Variants in SORCS3 observed in about 807,000 individuals in gnomAD.
The protein encoded by SORCS3 is sortilin related VPS10 domain containing receptor 3.
In SORCS3, 57 loss-of-function variants were observed where a neutral mutation model predicts 146.3. The observed-to-expected ratio is 0.39, with a 90% CI of 0.31 to 0.49. SORCS3 has a LOEUF of 0.49. SORCS3 is among the 20% of genes least tolerant of loss of function. The pLI, the probability that SORCS3 is intolerant of heterozygous loss-of-function variation, is 0.92. For synonymous variants in SORCS3, 653 were observed against 618.5 expected (o/e 1.06, Z -0.83); for missense variants, 1,341 against 1,575.5 (o/e 0.85, Z 2.52).
intron 4 of SORCS3, among the ~76,000 whole-genome samples, chr10:104,980,547 A>G (rs1477604232): frequency 6.6e-6 from 1 of 152,226 alleles, no homozygotes. Flanking sequence ...TCTGATGTGC[A>G]TGCATGAAGG....
At chr10:105,077,521 AACACAC>A (rs60182481) in intron 5 of SORCS3, among the ~76,000 whole-genome samples, 28,269 of 116,444 alleles carry the variant, frequency 0.24, 3,009 homozygotes, top group Admixed American at 0.39. Flanking sequence ...GACTAAATTA[AACACAC>A]ACACACACAC....
intron 1 of SORCS3, among the ~76,000 whole-genome samples, chr10:104,827,298 A>AT (rs1231933751): frequency 6.6e-6 from 1 of 151,748 alleles, no homozygotes; most frequent in African/African-American, 2.4e-5. Flanking sequence ...TATGAAATGT[A>AT]TTTTTTTAAA....
chr10:104,956,151 T>G (rs2019487388), intron 3 of SORCS3, among the ~76,000 whole-genome samples: 1 of 152,166 alleles, frequency 6.6e-6, no homozygotes, highest in Non-Finnish European at 1.5e-5. Context: ...CTTTCAGGAA[T>G]ATAAGCACTC....
chr10:104,730,476 C>T (rs1203840376), intron 1 of SORCS3, among the ~76,000 whole-genome samples: 2 of 152,162 alleles, frequency 1.3e-5, no homozygotes, highest in African/African-American at 4.8e-5. Context: ...TAGGAGCTGT[C>T]AGTGTAAGTC....
intron 4 of SORCS3, among the ~76,000 whole-genome samples, chr10:105,000,584 A>G (rs936017820): frequency 2.6e-5 from 4 of 152,078 alleles, no homozygotes; most frequent in Non-Finnish European, 2.9e-5. Context: ...TCCGGCATCT[A>G]TTGTGCAGAT....
At chr10:105,213,699 T>C (rs993795063) in intron 17 of SORCS3, among the ~76,000 whole-genome samples, 3 of 152,200 alleles carry the variant, frequency 2.0e-5, no homozygotes, top group Non-Finnish European at 2.9e-5. Context: ...TACATAATGA[T>C]GTCCTTGTCA....
intron 1 of SORCS3, among the ~76,000 whole-genome samples, chr10:104,723,724 A>G (rs1348914595): frequency 6.6e-6 from 1 of 152,144 alleles, no homozygotes; most frequent in African/African-American, 2.4e-5. Context: ...ATCCCTTTCC[A>G]TTGTGTAATG....
At chr10:105,147,550 C>A in intron 8 of SORCS3, 67 bp from the exon 9 acceptor site, 3 of 1,380,718 alleles carry the variant, frequency 2.2e-6, no homozygotes, top group Admixed American at 2.2e-5. Flanking sequence ...ATAGTAATTA[C>A]TTGGCATCCC....
At chr10:105,162,441 C>T (rs1008404955) in intron 11 of SORCS3, among the ~76,000 whole-genome samples, 2 of 151,632 alleles carry the variant, frequency 1.3e-5, no homozygotes, top group African/African-American at 4.9e-5. Context: ...GCTCATTTTT[C>T]AAATCCTCCT....
intron 4 of SORCS3, among the ~76,000 whole-genome samples, chr10:105,013,255 A>T (rs1317258928): frequency 1.3e-5 from 2 of 152,166 alleles, no homozygotes; most frequent in East Asian, 3.8e-4. Flanking sequence ...TTAACCTAAT[A>T]AAGATTATCC....
At chr10:104,652,040 A>G (rs1249178958) in intron 1 of SORCS3, among the ~76,000 whole-genome samples, 3 of 146,678 alleles carry the variant, frequency 2.0e-5, no homozygotes, top group Non-Finnish European at 4.5e-5. Flanking sequence ...ATTAAACCCC[A>G]GTTTTAAATA....
chr10:105,092,948 A>G (rs2055720478), intron 6 of SORCS3, among the ~76,000 whole-genome samples: 1 of 152,212 alleles, frequency 6.6e-6, no homozygotes, highest in Admixed American at 6.5e-5. Flanking sequence ...CTTTTATTCA[A>G]CATTATGCTG....
At chr10:105,024,104 T>G (rs1179602636) in intron 4 of SORCS3, among the ~76,000 whole-genome samples, 1 of 152,194 alleles carries the variant, frequency 6.6e-6, no homozygotes, top group Non-Finnish European at 1.5e-5. Flanking sequence ...TGTTCAGTGT[T>G]CTTTGTGCAA....
At chr10:105,014,392 G>A (rs1262410355) in intron 4 of SORCS3, among the ~76,000 whole-genome samples, 1 of 151,806 alleles carries the variant, frequency 6.6e-6, no homozygotes, top group Non-Finnish European at 1.5e-5. Flanking sequence ...ATGCAAAAAT[G>A]CTAGCCATAA....
At chr10:105,170,275 T>C (rs2056348147) in intron 13 of SORCS3, among the ~76,000 whole-genome samples, 1 of 152,140 alleles carries the variant, frequency 6.6e-6, no homozygotes. Flanking sequence ...ACCATCCAAG[T>C]TGGGAAAATT....
intron 1 of SORCS3, among the ~76,000 whole-genome samples, chr10:104,647,099 C>T (rs1412858252): frequency 6.6e-6 from 1 of 152,158 alleles, no homozygotes; most frequent in East Asian, 1.9e-4. Flanking sequence ...CTACCATAGC[C>T]AGGAGTGTTT....
At chr10:105,155,154 G>A (rs751438600) in intron 9 of SORCS3, among the ~76,000 whole-genome samples, 5 of 152,132 alleles carry the variant, frequency 3.3e-5, no homozygotes, top group Non-Finnish European at 7.4e-5. Flanking sequence ...GAAAATGCCC[G>A]TCCAAATGGT....
At chr10:104,692,498 ACTT>A (rs1564660060) in intron 1 of SORCS3, among the ~76,000 whole-genome samples, 1 of 152,040 alleles carries the variant, frequency 6.6e-6, no homozygotes, top group Non-Finnish European at 1.5e-5. Context: ...CCAACCTAAT[ACTT>A]CTCTGTTCTC....
At chr10:104,828,291 A>C (rs2017960817) in intron 1 of SORCS3, among the ~76,000 whole-genome samples, 1 of 152,126 alleles carries the variant, frequency 6.6e-6, no homozygotes, top group African/African-American at 2.4e-5. Flanking sequence ...AAACACTTAG[A>C]GGCCATTGTA....
Sources: allele counts gnomAD v4.1 joint callset (sites outside exome capture counted in the v4.1 genomes callset), GRCh38; gene constraint gnomAD v4.1.1; transcripts MANE v1.5; gene names NCBI Gene and HGNC (gene_info 2026-07-23, HGNC 2026-07-21).